PMS1: variants seen among roughly 807,000 people sequenced by gnomAD.
The protein encoded by PMS1 is PMS1 homolog 1, mismatch repair system component, also known as PMS1 protein homolog 1.
Under a neutral mutation model 93.1 loss-of-function variants are expected in PMS1, and 79 were observed. The observed-to-expected ratio is 0.85, with a 90% CI of 0.71 to 1.02. PMS1 has a LOEUF of 1.02. Among genes scored for constraint, PMS1 ranks in the 50% least tolerant of loss-of-function variants. The probability of loss-of-function intolerance (pLI) is 0.00; values close to 1 mark genes in which losing one functional copy is unlikely to be tolerated. For synonymous variants in PMS1, 335 were observed against 363.4 expected (o/e 0.92, Z 0.89); for missense variants, 1,064 against 1,085.3 (o/e 0.98, Z 0.28).
chr2:189,864,721 T>A (rs1409987615), intron 10 of PMS1, among the ~76,000 whole-genome samples: 6 of 86,432 alleles, frequency 6.9e-5, no homozygotes, highest in South Asian at 8.9e-4. Flanking sequence ...TATATATATA[T>A]ATATATATAT....
chr2:189,826,251 A>G (rs1480544279), intron 5 of PMS1, among the ~76,000 whole-genome samples: 3 of 152,220 alleles, frequency 2.0e-5, no homozygotes, highest in African/African-American at 7.2e-5. Context: ...ATGTGGAGTC[A>G]GTATAATCAG....
rs779802611 is a variant in PMS1, at chr2:189,818,132, C to T, written c.534C>T (p.Ser178=). 15 of 1,608,106 alleles carry T rather than the reference C, an allele frequency of 9.3e-6. No homozygotes were observed. In the East Asian group the frequency reaches 2.9e-4, roughly 31 times the overall value. ...EIKKIQDLLM[S]FGILKPDLRI... is the part of the protein sequence containing the mutation. ...AAAAGATCCAAGATCTCCTCATGAG[C>T]TTTGGTATCCTTAAACCTGACTTAA... The change falls in exon 5 of 13, where the codon AGC becomes AGT. Residue 178 remains serine, a synonymous_variant. Coordinates refer to ENST00000441310, the MANE Select transcript of PMS1 (RefSeq NM_000534.5).
At chr2:189,856,804 C>T (rs1347990357) in intron 9 of PMS1, among the ~76,000 whole-genome samples, 2 of 152,048 alleles carry the variant, frequency 1.3e-5, no homozygotes, top group Non-Finnish European at 2.9e-5. Flanking sequence ...GGTATCATTC[C>T]AGTTGCTTTT....
intron 4 of PMS1, among the ~76,000 whole-genome samples, chr2:189,817,140 C>A (rs1034207515): frequency 1.3e-5 from 2 of 152,134 alleles, no homozygotes; most frequent in Non-Finnish European, 2.9e-5. Context: ...GCTAAACATT[C>A]TACAATGCAC....
Position 189,854,534 on chromosome 2 carries a change from G to T in PMS1, c.1262G>T (p.Cys421Phe), listed in dbSNP as rs142577664. Reference sequence around the variant, plus strand: ...ATTGGTGACTTTGGTTATGGTCATTGTAGTAGTGAAATTTCTAACATTGAT... The same window carrying T: ...ATTGGTGACTTTGGTTATGGTCATTTTAGTAGTGAAATTTCTAACATTGAT... ...ISIGDFGYGH[C>F]SSEISNIDKN... Residue 421 changes from cysteine to phenylalanine, a missense_variant, in exon 9 of 13, where the codon TGT becomes TTT. Coordinates refer to ENST00000441310, the MANE Select transcript of PMS1 (RefSeq NM_000534.5). 1.3e-4 allele frequency: 217 copies of T among 1,613,434 alleles called. No individual in the cohort carries two copies. The highest frequency in any genetic ancestry group is 1.8e-4 in the Non-Finnish European group (212 of 1,179,692).
chr2:189,835,267 A>AT (rs2053284913), intron 5 of PMS1, among the ~76,000 whole-genome samples: 2 of 152,334 alleles, frequency 1.3e-5, no homozygotes, highest in South Asian at 4.1e-4. Flanking sequence ...TACTGCATAA[A>AT]TTTTACCAAG....
In PMS1 at chr2:189,818,083, CA is replaced by C; in HGVS notation, c.492del (p.Lys164AsnfsTer6). The C allele has an allele frequency of 6.2e-7, 1 of 1,604,100 alleles. No homozygotes were observed. The highest frequency in any genetic ancestry group is 8.5e-7 in the Non-Finnish European group (1 of 1,171,758). On this transcript the variant is annotated frameshift_variant, in exon 5 of 13. Transcript: ENST00000441310. LOFTEE classifies it high-confidence loss of function. Reference sequence around the variant, plus strand: ...GTAAGAAAGCAGTTTTACTCAACTGCAAAAAAATGTAAAGATGAAATAAAAA... The same window carrying C: ...GTAAGAAAGCAGTTTTACTCAACTGCAAAAAATGTAAAGATGAAATAAAAA... ...LPVRKQFYST[A>X]KKCKDEIKKI...
At chr2:189,807,448 C>T (rs1346501602) in intron 4 of PMS1, among the ~76,000 whole-genome samples, 1 of 152,140 alleles carries the variant, frequency 6.6e-6, no homozygotes, top group Non-Finnish European at 1.5e-5. Context: ...CCAGTTCTTA[C>T]GAGTTCAAAT....
At chr2:189,863,258 G>GTT (rs763514498) in intron 9 of PMS1, among the ~76,000 whole-genome samples, 9 of 141,434 alleles carry the variant, frequency 6.4e-5, no homozygotes, top group East Asian at 2.0e-4. Flanking sequence ...TTTTTTTTTG[G>GTT]TTTTTTTTTT....
chr2:189,853,051 T>C (rs1159028764), intron 7 of PMS1, among the ~76,000 whole-genome samples: 1 of 151,990 alleles, frequency 6.6e-6, no homozygotes, highest in Non-Finnish European at 1.5e-5. Context: ...GTTTTTTTTG[T>C]TTTTGTTTTT....
At chr2:189,806,732 TATAAAG>T (rs2050381256) in intron 4 of PMS1, 1 of 198,818 alleles carries the variant, frequency 5.0e-6, no homozygotes, top group African/African-American at 2.3e-5. Flanking sequence ...ACTATTTACT[TATAAAG>T]GTAAAAAAGA....
intron 2 of PMS1, among the ~76,000 whole-genome samples, chr2:189,792,483 T>C (rs2048952605): frequency 6.6e-6 from 1 of 152,010 alleles, no homozygotes; most frequent in Non-Finnish European, 1.5e-5. Context: ...TAGTACCTAG[T>C]ATGCACTAGG....
rs780852170 is a variant in PMS1, at chr2:189,795,758, A to T, written c.133-11A>T. On this transcript the variant is annotated splice_polypyrimidine_tract_variant and intron_variant, in intron 2 of 12. Transcript: ENST00000441310. ...TTTTACATATTAAAAGTGTTTTTTG[A>T]CATTTTATAGGAGAACTATGGATTT... 1 of 1,607,688 alleles carries T rather than the reference A, an allele frequency of 6.2e-7. No individual in the cohort carries two copies. The highest frequency in any genetic ancestry group is 8.5e-7 in the Non-Finnish European group (1 of 1,174,228).
At chr2:189,798,921 A>G (rs1559222023) in intron 3 of PMS1, among the ~76,000 whole-genome samples, 1 of 152,186 alleles carries the variant, frequency 6.6e-6, no homozygotes, top group Non-Finnish European at 1.5e-5. Flanking sequence ...TTTGCCTACT[A>G]GGTGGCAGCA....
At chr2:189,825,229 T>G (rs2106351495) in intron 5 of PMS1, among the ~76,000 whole-genome samples, 1 of 152,324 alleles carries the variant, frequency 6.6e-6, no homozygotes, top group East Asian at 1.9e-4. Flanking sequence ...TTCATCACCA[T>G]GTTCCTTGAA....
intron 1 of PMS1, among the ~76,000 whole-genome samples, chr2:189,788,141 C>T (rs2048529735): frequency 6.6e-6 from 1 of 152,154 alleles, no homozygotes; most frequent in Admixed American, 6.5e-5. Context: ...ATTAAGACTG[C>T]TCAGAAGGAG....
chr2:189,864,486 T>C (rs1234189311), intron 10 of PMS1: 2 of 371,350 alleles, frequency 5.4e-6, no homozygotes, highest in Admixed American at 7.3e-5. Context: ...TGAAACCCTG[T>C]CTCTACTAAA....
At chr2:189,786,024 C>T (rs1291722865) in intron 1 of PMS1, among the ~76,000 whole-genome samples, 2 of 152,120 alleles carry the variant, frequency 1.3e-5, no homozygotes, top group Non-Finnish European at 2.9e-5. Context: ...ACTTGCAGGG[C>T]TGGGACAGGA....
At chr2:189,820,567 C>T (rs564378828) in intron 5 of PMS1, among the ~76,000 whole-genome samples, 12 of 152,192 alleles carry the variant, frequency 7.9e-5, no homozygotes, top group African/African-American at 2.6e-4. Context: ...AAGCAATACA[C>T]GCTCCCAAAG....
Sources: gnomAD v4.1 joint callset for allele counts (sites outside exome capture counted in the v4.1 genomes callset) on GRCh38, gnomAD v4.1.1 for gene constraint, MANE v1.5 for transcripts, NCBI Gene and HGNC (gene_info 2026-07-23, HGNC 2026-07-21) for gene names.